The following KDM4C variants were observed in gnomAD, a reference collection of about 807,000 sequenced individuals.
KDM4C encodes lysine-specific demethylase 4C.
A neutral mutation model predicts 129.3 loss-of-function variants in KDM4C; 81 were observed. The ratio of observed to expected loss-of-function variants is 0.63; its 90% confidence interval spans 0.52 to 0.75. The LOEUF (loss-of-function observed/expected upper bound fraction) is 0.75, where lower values mean the gene tolerates loss of function less well. Ranked by LOEUF, KDM4C falls within the 30% of genes least tolerant of loss-of-function variation. The pLI, the probability that KDM4C is intolerant of heterozygous loss-of-function variation, is 0.00. For missense variants in KDM4C, 1,457 were observed against 1,304.0 expected, an observed-to-expected ratio of 1.12 and a Z score of -1.81; for synonymous variants, 573 against 456.1, an observed-to-expected ratio of 1.26 and a Z score of -3.26.
chr9:7,013,410 T>C (rs1823054144), intron 13 of KDM4C, among the ~76,000 whole-genome samples: 1 of 152,196 alleles, frequency 6.6e-6, no homozygotes, highest in South Asian at 2.1e-4. Flanking sequence ...CTGGGGTCTT[T>C]GTACACTCCT....
chr9:6,780,603 C>G lies in KDM4C; in HGVS notation c.-17-12369C>G, dbSNP rs568117521. 2.0e-5 allele frequency among the ~76,000 whole-genome samples: 3 copies of G among 151,618 alleles called. No individual in the cohort carries two copies. The East Asian group carries it at 5.9e-4, about 30-fold the overall frequency. Reference sequence around the variant, plus strand: ...GAAACATGGCAAAACCTTGTCTCTACAAAAAATACGAAAATTAGCCGGGTG... The same window carrying G: ...GAAACATGGCAAAACCTTGTCTCTAGAAAAAATACGAAAATTAGCCGGGTG... On this transcript the variant is annotated intron_variant, in intron 1 of 21. Coordinates refer to ENST00000381309, the MANE Select transcript of KDM4C (RefSeq NM_015061.6).
At chr9:6,768,342 T>G (rs1290744555) in intron 1 of KDM4C, among the ~76,000 whole-genome samples, 1 of 151,960 alleles carries the variant, frequency 6.6e-6, no homozygotes, top group Non-Finnish European at 1.5e-5. Context: ...ACAGGATTTT[T>G]TTTTTTTTTT....
rs146679616 is a variant in KDM4C at position 7,006,311 on chromosome 9, C to T, written c.1787-5387C>T. Among the ~76,000 whole-genome samples, 92 of 152,312 alleles carry T rather than the reference C, an allele frequency of 6.0e-4. 2 individuals carry two copies. The East Asian group carries it at 0.012, about 20-fold the overall frequency. On this transcript the variant is annotated intron_variant, in intron 12 of 21. Transcript: ENST00000381309. ...TCAAATTAATGGGGCCTCCCCTTCT[C>T]ATAACATGTCCTGTGGGGTTGAGTC...
intron 1 of KDM4C, among the ~76,000 whole-genome samples, chr9:6,740,527 A>G (rs1389353610): frequency 7.6e-6 from 1 of 132,072 alleles, no homozygotes; most frequent in Non-Finnish European, 1.6e-5. Flanking sequence ...ATTTTTATTT[A>G]TTTATCCTTG....
chr9:6,773,786 A>AT (rs1822411504), intron 1 of KDM4C, among the ~76,000 whole-genome samples: 1 of 148,060 alleles, frequency 6.8e-6, no homozygotes, highest in African/African-American at 2.5e-5. Flanking sequence ...AAAAAAAAAA[A>AT]GTATAGGTAT....
chr9:6,868,698 C>G (rs1442186886), intron 5 of KDM4C, among the ~76,000 whole-genome samples: 2 of 151,892 alleles, frequency 1.3e-5, no homozygotes, highest in African/African-American at 4.8e-5. Context: ...CGTTTCCCCT[C>G]CACGTATTTT....
At chr9:6,799,510 C>T (rs1339566472) in intron 2 of KDM4C, among the ~76,000 whole-genome samples, 1 of 150,866 alleles carries the variant, frequency 6.6e-6, no homozygotes. Flanking sequence ...GCCAAGATGG[C>T]AGCAGCACAG....
At chr9:6,926,669 C>T (rs1010577316) in intron 8 of KDM4C, among the ~76,000 whole-genome samples, 6 of 152,166 alleles carry the variant, frequency 3.9e-5, no homozygotes, top group African/African-American at 2.4e-5. Flanking sequence ...AAACAAATGC[C>T]TCCAGGCACT....
At chr9:7,001,368 C>T (rs150447490) in intron 12 of KDM4C, among the ~76,000 whole-genome samples, 23 of 152,190 alleles carry the variant, frequency 1.5e-4, no homozygotes, top group African/African-American at 5.5e-4. Flanking sequence ...GAAGTCTTTT[C>T]TTGAGGAGTA....
At chr9:7,017,794 C>T (rs1381836204) in intron 15 of KDM4C, among the ~76,000 whole-genome samples, 1 of 152,060 alleles carries the variant, frequency 6.6e-6, no homozygotes, top group Non-Finnish European at 1.5e-5. Flanking sequence ...AAGTTAAAAA[C>T]CTGAATGACA....
At chr9:7,000,399 TATG>T (rs1341723012) in intron 12 of KDM4C, among the ~76,000 whole-genome samples, 1 of 152,246 alleles carries the variant, frequency 6.6e-6, no homozygotes, top group African/African-American at 2.4e-5. Flanking sequence ...CATGAAATCT[TATG>T]ATCAGGTTTC....
intron 5 of KDM4C, among the ~76,000 whole-genome samples, chr9:6,855,967 C>T (rs1839736971): frequency 6.6e-6 from 1 of 152,062 alleles, no homozygotes; most frequent in Non-Finnish European, 1.5e-5. Context: ...CCATGAACTC[C>T]TGGGTTCAAG....
intron 8 of KDM4C, among the ~76,000 whole-genome samples, chr9:6,922,459 C>T (rs1821711355): frequency 6.6e-6 from 1 of 152,210 alleles, no homozygotes. Flanking sequence ...CTTCAGCAAT[C>T]TTCCAGGCTG....
At chr9:6,862,842 AAAAC>A (rs1287017518) in intron 5 of KDM4C, among the ~76,000 whole-genome samples, 1 of 140,278 alleles carries the variant, frequency 7.1e-6, no homozygotes, top group Non-Finnish European at 1.6e-5. Flanking sequence ...AAACAAACAA[AAAAC>A]AAAAAAAAAT....
At chr9:7,012,159 C>T (rs965311297) in intron 13 of KDM4C, among the ~76,000 whole-genome samples, 2 of 152,216 alleles carry the variant, frequency 1.3e-5, no homozygotes, top group African/African-American at 4.8e-5. Context: ...GGCTTGTACT[C>T]TGGCTCAGGC....
chr9:7,098,533 G>A (rs1392292039), intron 17 of KDM4C, among the ~76,000 whole-genome samples: 1 of 152,160 alleles, frequency 6.6e-6, no homozygotes, highest in African/African-American at 2.4e-5. Flanking sequence ...CAAGTAAACA[G>A]GATTTGTTTT....
At chr9:6,737,050 C>CAAA (rs566235532) in intron 1 of KDM4C, among the ~76,000 whole-genome samples, 36 of 36,364 alleles carry the variant, frequency 9.9e-4, no homozygotes, top group African/African-American at 1.5e-3. Context: ...GATTCTGTCT[C>CAAA]AAAAAAAAAA....
intron 15 of KDM4C, among the ~76,000 whole-genome samples, chr9:7,033,127 A>T (rs1309380849): frequency 2.1e-5 from 3 of 144,626 alleles, no homozygotes; most frequent in Non-Finnish European, 4.5e-5. Context: ...GTTCCCTCTG[A>T]TCTGTTTTAT....
rs1294149389 is a variant in KDM4C at position 6,776,418 on chromosome 9, C to T, written c.-17-16554C>T. Among the ~76,000 whole-genome samples, 4 of 152,058 alleles carry T rather than the reference C, an allele frequency of 2.6e-5. No individual in the cohort carries two copies. In the South Asian group the frequency reaches 6.2e-4, roughly 24 times the overall value. The stretch of plus-strand genomic sequence containing the variant: ...CTGGGAATACGGGCCAATGCCATCA[C>T]GACCAGCTAATTTTTTGTATTTTTA... On this transcript the variant is annotated intron_variant, in intron 1 of 21. Coordinates refer to ENST00000381309, the MANE Select transcript of KDM4C (RefSeq NM_015061.6).
Sources: allele counts gnomAD v4.1 joint callset (sites outside exome capture counted in the v4.1 genomes callset), GRCh38; gene constraint gnomAD v4.1.1; transcripts MANE v1.5; gene names NCBI Gene and HGNC (gene_info 2026-07-23, HGNC 2026-07-21).